Variants in CCL28 observed in about 807,000 individuals in gnomAD.
CCL28 encodes C-C motif chemokine 28.
Under a neutral mutation model 7.1 loss-of-function variants are expected in CCL28, and 4 were observed. That is an observed-to-expected ratio of 0.56 (90% CI 0.28 to 1.29). CCL28 has a LOEUF of 1.29. Among genes scored for constraint, CCL28 ranks in the 50% most tolerant of loss-of-function variants. CCL28 has a pLI of 0.11. For synonymous variants in CCL28, 55 were observed against 57.8 expected (o/e 0.95, Z 0.22); for missense variants, 151 against 163.4 (o/e 0.92, Z 0.41).
At chr5:43,378,020 C>CCA (rs1296149824), downstream of CCL28, among the ~76,000 whole-genome samples, 1 of 131,588 alleles carries the variant, frequency 7.6e-6, no homozygotes, top group African/African-American at 4.0e-5. Context: ...GCGTGAGCCA[C>CCA]CGCGCCCGGC....
At chr5:43,369,036 AAGAGAGAGAGAGAGAGAGAG>A in the CCL28 span, among the ~76,000 whole-genome samples, 1,879 of 104,342 alleles carry the variant, frequency 0.018, 57 homozygotes, top group African/African-American at 0.032. Flanking sequence ...GAAAGAGAGA[AAGAGAGAGAGAGAGAGAGAG>A]AGAGAGAGAG....
chr5:43,404,104 A>G (rs1353556358), intron 1 of CCL28, among the ~76,000 whole-genome samples: 1 of 152,226 alleles, frequency 6.6e-6, no homozygotes, highest in African/African-American at 2.4e-5. Context: ...CATCCAGGAG[A>G]ACTTCCCCAA....
At chr5:43,389,839 T>C (rs921331830) in intron 1 of CCL28, among the ~76,000 whole-genome samples, 7 of 152,232 alleles carry the variant, frequency 4.6e-5, no homozygotes, top group African/African-American at 1.7e-4. Flanking sequence ...GCAGAAAATA[T>C]AAGAGGCCAG....
intron 1 of CCL28, among the ~76,000 whole-genome samples, chr5:43,395,855 C>T (rs1740777209): frequency 2.1e-5 from 2 of 94,248 alleles, no homozygotes; most frequent in African/African-American, 8.3e-5. Flanking sequence ...TACCCCCCGC[C>T]TTTTTTTTTT....
At chr5:43,386,425 A>G (rs1046876982) in intron 2 of CCL28, among the ~76,000 whole-genome samples, 1 of 152,166 alleles carries the variant, frequency 6.6e-6, no homozygotes, top group Non-Finnish European at 1.5e-5. Flanking sequence ...CCCAATGACT[A>G]AACCACCTGA....
intron 1 of CCL28, among the ~76,000 whole-genome samples, chr5:43,410,220 C>G (rs1439798192): frequency 2.0e-5 from 3 of 152,222 alleles, no homozygotes; most frequent in Non-Finnish European, 4.4e-5. Context: ...TTTTCCACCC[C>G]CTCCCTGGAG....
At chr5:43,388,119 G>A (rs1740415100) in intron 2 of CCL28, 8 of 472,142 alleles carry the variant, frequency 1.7e-5, no homozygotes, top group South Asian at 3.4e-5. Context: ...AGCACTACAG[G>A]GTGGAAGTAG....
At chr5:43,409,035 A>G (rs1366138966) in intron 1 of CCL28, among the ~76,000 whole-genome samples, 1 of 152,052 alleles carries the variant, frequency 6.6e-6, no homozygotes, top group African/African-American at 2.4e-5. Flanking sequence ...GATTACAGGC[A>G]GCGAGGCCAA....
the CCL28 span, among the ~76,000 whole-genome samples, chr5:43,361,699 C>G: frequency 1.3e-5 from 2 of 152,100 alleles, no homozygotes; most frequent in African/African-American, 4.8e-5. Context: ...TTTCAATGTT[C>G]TGTATATGGC....
chr5:43,409,161 C>T (rs535262459), intron 1 of CCL28, among the ~76,000 whole-genome samples: 6 of 152,282 alleles, frequency 3.9e-5, no homozygotes, highest in Admixed American at 2.6e-4. Context: ...CATGGTGGCT[C>T]ACACCTGTAA....
At chr5:43,397,606 T>C (rs1489030799) in intron 1 of CCL28, among the ~76,000 whole-genome samples, 1 of 152,084 alleles carries the variant, frequency 6.6e-6, no homozygotes. Context: ...AAAATAAAAA[T>C]TAATGCAAAA....
intron 2 of CCL28, among the ~76,000 whole-genome samples, chr5:43,384,943 C>A (rs988680486): frequency 6.6e-6 from 1 of 151,324 alleles, no homozygotes; most frequent in African/African-American, 2.4e-5. Flanking sequence ...GTCACCCAGG[C>A]TGGAGTGCAG....
At chr5:43,361,712 G>C in the CCL28 span, among the ~76,000 whole-genome samples, 4 of 152,124 alleles carry the variant, frequency 2.6e-5, no homozygotes, top group Non-Finnish European at 5.9e-5. Flanking sequence ...TATATGGCTA[G>C]CCAGTTATCC....
At position 43,396,029 on chromosome 5, in the gene CCL28, A is replaced by G. The variant is rs549798696; in HGVS notation, c.65-7553T>C. ...TGGTACTACAGACGCCCGCCACCAC[A>G]CCCGGCTAATTTTTGTATTTTTAGT... On this transcript the variant is annotated intron_variant, in intron 1 of 2. Coordinates refer to ENST00000361115, the MANE Select transcript of CCL28 (RefSeq NM_148672.3). 3.9e-3 allele frequency among the ~76,000 whole-genome samples: 581 copies of G among 150,280 alleles called. 2 individuals carry two copies. The highest frequency in any genetic ancestry group is 5.5e-3 in the Admixed American group (83 of 15,098).
At chr5:43,374,554 G>A (rs766862869), downstream of CCL28, among the ~76,000 whole-genome samples, 5 of 152,082 alleles carry the variant, frequency 3.3e-5, no homozygotes, top group East Asian at 1.9e-4. Context: ...AGGCCAAGGC[G>A]GGCGGATCAC....
chr5:43,386,262 T>C (rs962035458), intron 2 of CCL28, among the ~76,000 whole-genome samples: 8 of 152,230 alleles, frequency 5.3e-5, no homozygotes, highest in African/African-American at 1.9e-4. Flanking sequence ...TTTCCAACTA[T>C]TACCAACAAT....
chr5:43,405,460 C>A (rs1195845131), intron 1 of CCL28, among the ~76,000 whole-genome samples: 2 of 152,180 alleles, frequency 1.3e-5, no homozygotes, highest in Admixed American at 6.5e-5. Flanking sequence ...AGAACAAAGA[C>A]ATAACATACC....
intron 1 of CCL28, among the ~76,000 whole-genome samples, chr5:43,406,586 A>T (rs1741291145): frequency 6.6e-6 from 1 of 152,252 alleles, no homozygotes; most frequent in Admixed American, 6.5e-5. Flanking sequence ...GAAAACTGGC[A>T]CAAGACAGGG....
At chr5:43,376,008 C>T, downstream of CCL28, among the ~76,000 whole-genome samples, 1 of 152,188 alleles carries the variant, frequency 6.6e-6, no homozygotes, top group East Asian at 1.9e-4. Context: ...GCACTCCAGC[C>T]TGGGCAACAA....
Sources: allele counts gnomAD v4.1 joint callset (sites outside exome capture counted in the v4.1 genomes callset), GRCh38; gene constraint gnomAD v4.1.1; transcripts MANE v1.5; gene names NCBI Gene and HGNC (gene_info 2026-07-23, HGNC 2026-07-21).